MIB1: variants seen among roughly 807,000 people sequenced by gnomAD.
The protein encoded by MIB1 is MIB E3 ubiquitin protein ligase 1, also known as E3 ubiquitin-protein ligase MIB1.
MIB1 carries 278 observed loss-of-function variants against 124.5 expected under a neutral mutation model. That is an observed-to-expected ratio of 2.23 (90% CI 2.02 to 2.47). MIB1 has a LOEUF of 2.47. Ranked by LOEUF, MIB1 falls within the 30% of genes most tolerant of loss-of-function variation. The pLI, the probability that MIB1 is intolerant of heterozygous loss-of-function variation, is 0.00. For missense variants in MIB1, 957 were observed against 1,254.4 expected (o/e 0.76, Z 3.58); for synonymous variants, 446 against 429.4 (o/e 1.04, Z -0.48).
chr18:21,767,290 C>G (rs2041172631), intron 2 of MIB1, among the ~76,000 whole-genome samples: 1 of 152,164 alleles, frequency 6.6e-6, no homozygotes, highest in South Asian at 2.1e-4. Context: ...ACACGCCCTT[C>G]CTTCTTCACA....
rs2042331347 is a variant in MIB1, at chr18:21,867,919, C to G, written c.*3253C>G. ...GAGTAGGATCAGGACAGTGGGGTTA[C>G]AACAGATAGGAAAGGAAAGTCAGCA... On this transcript the variant is annotated 3_prime_UTR_variant, in exon 21 of 21. Transcript: ENST00000261537. 6.6e-6 allele frequency: 1 copy of G among 151,542 alleles called. No individual in the cohort carries two copies. The allele number at this position is 151,542 out of a possible 1,614,324, so 9.4% of individuals were successfully genotyped here.
chr18:21,859,984 A>G (rs1038385431), intron 20 of MIB1, among the ~76,000 whole-genome samples: 4 of 149,974 alleles, frequency 2.7e-5, no homozygotes, highest in African/African-American at 4.9e-5. Flanking sequence ...TCACAATAGT[A>G]GTCATCAGTG....
chr18:21,813,892 A>G (rs1395029917), intron 10 of MIB1, among the ~76,000 whole-genome samples: 1 of 152,032 alleles, frequency 6.6e-6, no homozygotes, highest in African/African-American at 2.4e-5. Flanking sequence ...TCAGGGACAG[A>G]CACATGGTCT....
At chr18:21,834,700 A>T (rs1420853915) in intron 12 of MIB1, among the ~76,000 whole-genome samples, 1 of 152,182 alleles carries the variant, frequency 6.6e-6, no homozygotes, top group Non-Finnish European at 1.5e-5. Flanking sequence ...TCCCATTAGT[A>T]CTCTTCAAAA....
intron 7 of MIB1, among the ~76,000 whole-genome samples, chr18:21,794,449 CT>C (rs1430906570): frequency 1.9e-4 from 28 of 148,046 alleles, no homozygotes; most frequent in African/African-American, 7.3e-4. Flanking sequence ...TAGCCTCTCT[CT>C]CTCTCTCTCT....
intron 6 of MIB1, among the ~76,000 whole-genome samples, chr18:21,782,025 T>A (rs2041374613): frequency 6.6e-6 from 1 of 152,208 alleles, no homozygotes; most frequent in Non-Finnish European, 1.5e-5. Context: ...TGATCTTTAT[T>A]ACTTCTTCCT....
rs1432783183 is a variant in MIB1 at position 21,815,513 on chromosome 18, T to C, written c.1480-103T>C. On this transcript the variant is annotated intron_variant, in intron 10 of 20. Coordinates refer to ENST00000261537, the MANE Select transcript of MIB1 (RefSeq NM_020774.4). ...CTAGTTATTTTGTTGTTTCCTACAT[T>C]GCCTTTTCTCAAATTAATCTGCTTC... 70 of 1,000,200 alleles carry C rather than the reference T, an allele frequency of 7.0e-5. No individual in the cohort carries two copies. The South Asian group carries it at 1.1e-3, about 16-fold the overall frequency. 62.0% of individuals were successfully genotyped at this position (1,000,200 alleles called of 1,614,324 possible).
chr18:21,833,271 A>G (rs115372929), intron 12 of MIB1, among the ~76,000 whole-genome samples: 2 of 152,310 alleles, frequency 1.3e-5, no homozygotes, highest in African/African-American at 4.8e-5. Flanking sequence ...CAGTATATTC[A>G]GAAAGATGAT....
intron 13 of MIB1, among the ~76,000 whole-genome samples, chr18:21,842,122 G>GAAA (rs2042096532): frequency 1.2e-5 from 1 of 81,744 alleles, no homozygotes. Context: ...AAAAAAAGAA[G>GAAA]AAAAGAAGCT....
chr18:21,776,291 A>G (rs1184156315), intron 4 of MIB1, among the ~76,000 whole-genome samples: 1 of 151,778 alleles, frequency 6.6e-6, no homozygotes. Flanking sequence ...AAAAAATCCC[A>G]AAAAACCAAT....
chr18:21,852,591 G>A (rs1382331230), intron 17 of MIB1, among the ~76,000 whole-genome samples: 1 of 152,124 alleles, frequency 6.6e-6, no homozygotes, highest in Non-Finnish European at 1.5e-5. Context: ...AGAGATCAGG[G>A]AAAAAGAATA....
At chr18:21,739,321 G>C (rs761400693), upstream of MIB1, among the ~76,000 whole-genome samples, 1 of 152,090 alleles carries the variant, frequency 6.6e-6, no homozygotes, top group Non-Finnish European at 1.5e-5. Flanking sequence ...AAGAAGTCCA[G>C]GACCAGACAG....
chr18:21,714,916 A>G (rs911848300), intron 1 of MIB1, among the ~76,000 whole-genome samples: 2 of 152,210 alleles, frequency 1.3e-5, no homozygotes, highest in Non-Finnish European at 1.5e-5. Context: ...GCCCTAGCTC[A>G]TGAAAAGGCA....
At chr18:21,802,777 T>A (rs1052879582) in intron 9 of MIB1, among the ~76,000 whole-genome samples, 4 of 152,220 alleles carry the variant, frequency 2.6e-5, no homozygotes, top group Non-Finnish European at 1.5e-5. Flanking sequence ...GATTGATAGC[T>A]CTCCTCACTT....
At position 21,724,730 on chromosome 18, in the gene MIB1, ATATATATATAT is replaced by A. The variant is rs1568176750; in HGVS notation, n.167+19608_167+19618del. Among the ~76,000 whole-genome samples the A allele has an allele frequency of 4.5e-3, 188 of 41,366 alleles. 3 individuals are homozygous for A. Among genetic ancestry groups the A allele is most frequent in the South Asian group, 0.011 (12 of 1,066 alleles). The allele number at this position is 41,366 out of a possible 152,430, so 27.1% of individuals were successfully genotyped here. On this transcript the variant is annotated intron_variant and non_coding_transcript_variant, in intron 1 of 20. Transcript: ENST00000578646. ...CCCCATCCAAAAAAAAAAAAAAAAT[ATATATATATAT>A]ATATATATATATATATATATATATA...
intron 6 of MIB1, among the ~76,000 whole-genome samples, chr18:21,788,690 A>G (rs147962572): frequency 2.6e-4 from 40 of 152,350 alleles, no homozygotes; most frequent in Admixed American, 2.0e-3. Context: ...CTTTGCTTAC[A>G]GATGACCTGA....
At chr18:21,849,106 T>C in intron 16 of MIB1, 90 bp from the exon 17 acceptor site, 1 of 824,204 alleles carries the variant, frequency 1.2e-6, no homozygotes, top group Non-Finnish European at 1.9e-6. Flanking sequence ...TTTTTATGTA[T>C]ACTAATGATG....
intron 10 of MIB1, among the ~76,000 whole-genome samples, chr18:21,807,846 T>C (rs2041726426): frequency 6.6e-6 from 1 of 152,252 alleles, no homozygotes; most frequent in South Asian, 2.1e-4. Context: ...TTTTTATCAT[T>C]GGAAATATTA....
intron 19 of MIB1, among the ~76,000 whole-genome samples, chr18:21,857,674 T>C (rs184816665): frequency 6.6e-6 from 1 of 152,280 alleles, no homozygotes; most frequent in African/African-American, 2.4e-5. Context: ...TGGTAATTAT[T>C]TGGGACAGAG....
Sources: gnomAD v4.1 joint callset for allele counts (sites outside exome capture counted in the v4.1 genomes callset) on GRCh38, gnomAD v4.1.1 for gene constraint, MANE v1.5 for transcripts, NCBI Gene and HGNC (gene_info 2026-07-23, HGNC 2026-07-21) for gene names.